DMD: variants seen among roughly 807,000 people sequenced by gnomAD.
The protein encoded by DMD is dystrophin.
Under a neutral mutation model 330.1 loss-of-function variants are expected in DMD, and 63 were observed. The observed-to-expected ratio is 0.19, with a 90% CI of 0.16 to 0.24. DMD has a LOEUF of 0.24. DMD is among the 10% of genes least tolerant of loss of function. The pLI is 1.00. For missense variants in DMD, 3,344 were observed against 2,684.1 expected (o/e 1.25, Z -5.43); for synonymous variants, 1,223 against 959.8 (o/e 1.27, Z -5.07).
rs555719402 is a variant in DMD, at chrX:32,276,329, T to C, written c.6290+11200A>G. On this transcript the variant is annotated intron_variant, in intron 43 of 78. Transcript: ENST00000357033. ...CACGAACTGCAATTCCTAGATAACT[T>C]CTAGTCATAGCCTGGGCTAAGAGCT... is the stretch of plus-strand genomic sequence containing the variant. Among the ~76,000 whole-genome samples the C allele has an allele frequency of 2.7e-5, 3 of 112,317 alleles. No homozygotes were observed. The South Asian group carries it at 1.1e-3, about 41-fold the overall frequency.
intron 9 of DMD, among the ~76,000 whole-genome samples, chrX:32,658,439 A>G (rs1408307882): frequency 9.0e-6 from 1 of 111,349 alleles, no homozygotes; most frequent in South Asian, 3.8e-4. Flanking sequence ...TGTCACTGCA[A>G]ATTGTAGCCC....
chrX:32,071,891 T>TA (rs1156616124), intron 44 of DMD, among the ~76,000 whole-genome samples: 1 of 111,722 alleles, frequency 9.0e-6, no homozygotes, highest in African/African-American at 3.2e-5. Context: ...TCTTCAATGA[T>TA]ATGTATGAAG....
chrX:33,162,757 G>T (rs1269091536), intron 1 of DMD, among the ~76,000 whole-genome samples: 1 of 102,605 alleles, frequency 9.7e-6, no homozygotes, highest in African/African-American at 3.5e-5. Context: ...TTTTTATGCT[G>T]TTTTTTTTTT....
intron 43 of DMD, among the ~76,000 whole-genome samples, chrX:32,286,311 C>T (rs902680523): frequency 1.8e-5 from 2 of 111,854 alleles, no homozygotes; most frequent in Middle Eastern, 4.6e-3. Flanking sequence ...TATTAAATTA[C>T]ATTAAATGAT....
intron 9 of DMD, among the ~76,000 whole-genome samples, chrX:32,648,422 A>G (rs936178685): frequency 5.4e-5 from 6 of 112,063 alleles, no homozygotes; most frequent in Non-Finnish European, 7.5e-5. Flanking sequence ...GGTTCATAAA[A>G]TCATGTTAGT....
chrX:31,538,019 A>C (rs2147589480), intron 55 of DMD, among the ~76,000 whole-genome samples: 1 of 112,280 alleles, frequency 8.9e-6, no homozygotes, highest in African/African-American at 3.2e-5. Flanking sequence ...CACAGTGATT[A>C]ATGCACGTAG....
chrX:31,210,273 T>A (rs752062061), intron 64 of DMD, among the ~76,000 whole-genome samples: 29 of 111,951 alleles, frequency 2.6e-4, no homozygotes, highest in East Asian at 5.6e-4. Flanking sequence ...AAATTTTCTA[T>A]AGGCAAACTA....
Position 32,268,763 on chromosome X carries a change from G to A in DMD, c.6290+18766C>T, listed in dbSNP as rs926554851. ...AGGTAAGGAAAAGCACTTAACTGGA[G>A]CAGAAAATTCACTCATTCTTTTGAA... On this transcript the variant is annotated intron_variant, in intron 43 of 78. Transcript: ENST00000357033. 4.5e-5 allele frequency among the ~76,000 whole-genome samples: 5 copies of A among 111,775 alleles called. No homozygotes were observed. The East Asian group carries it at 1.1e-3, about 25-fold the overall frequency.
intron 18 of DMD, among the ~76,000 whole-genome samples, chrX:32,514,069 T>A (rs1175911530): frequency 9.1e-6 from 1 of 109,892 alleles, no homozygotes; most frequent in African/African-American, 3.3e-5. Flanking sequence ...ACACAACCGG[T>A]TTAAAAGCTA....
chrX:31,238,077 A>G (rs951497806), intron 63 of DMD, among the ~76,000 whole-genome samples: 8 of 111,831 alleles, frequency 7.2e-5, no homozygotes, highest in African/African-American at 2.6e-4. Context: ...GTTGCTTGAT[A>G]TAAAGCTTTA....
intron 7 of DMD, among the ~76,000 whole-genome samples, chrX:32,762,914 A>G (rs1265716611): frequency 8.9e-6 from 1 of 112,149 alleles, no homozygotes; most frequent in Non-Finnish European, 1.9e-5. Context: ...TTACTGCAAT[A>G]TTAGGAGGCT....
intron 43 of DMD, among the ~76,000 whole-genome samples, chrX:32,281,694 GACTT>G (rs1040162284): frequency 1.8e-5 from 2 of 111,448 alleles, no homozygotes; most frequent in Non-Finnish European, 3.8e-5. Flanking sequence ...TCTTATTTCT[GACTT>G]ACTTTATACA....
At chrX:31,227,140 C>T (rs1159144579) in intron 63 of DMD, among the ~76,000 whole-genome samples, 2 of 111,094 alleles carry the variant, frequency 1.8e-5, no homozygotes, top group African/African-American at 6.5e-5. Flanking sequence ...TCTCTTATGA[C>T]CCCAATTCTA....
intron 43 of DMD, among the ~76,000 whole-genome samples, chrX:32,256,856 C>A (rs1432122421): frequency 6.3e-5 from 7 of 111,743 alleles, no homozygotes; most frequent in Non-Finnish European, 5.6e-5. Context: ...TCTCTTCTAG[C>A]TTGTAGGGTT....
rs150655467 is a variant in DMD at position 31,833,238 on chromosome X, A to G, written c.7200+3480T>C. Among the ~76,000 whole-genome samples the G allele has an allele frequency of 4.8e-3, 508 of 106,156 alleles. 3 individuals are homozygous for G. The highest frequency in any genetic ancestry group is 0.015 in the African/African-American group (447 of 29,147). 92.2% of individuals were successfully genotyped at this position (106,156 alleles called of 115,157 possible). ...TAAGATGAAGAAATAACATACAAAT[A>G]AATAAAAGTATGTGTGTAGATGGGG... is the stretch of plus-strand genomic sequence containing the variant. On this transcript the variant is annotated intron_variant, in intron 49 of 78. Coordinates refer to ENST00000357033, the MANE Select transcript of DMD (RefSeq NM_004006.3).
At chrX:33,041,338 C>G (rs1603013376) in intron 1 of DMD, 1 of 1,137,711 alleles carries the variant, frequency 8.8e-7, no homozygotes, top group East Asian at 3.2e-5. Context: ...CTCTGCGCGT[C>G]GCCCTCCACG....
At position 33,319,124 on chromosome X, in the gene DMD, G is replaced by C. The variant is rs184036626; in HGVS notation, c.7+20135C>G. Among the ~76,000 whole-genome samples the C allele has an allele frequency of 5.4e-5, 6 of 110,516 alleles. No individual in the cohort carries two copies. The East Asian group carries it at 1.7e-3, about 32-fold the overall frequency. ...CCATCTAGTAGCTAGGAAACGGTCT[G>C]TCATCAGGCACAGAGTGTGCCTTCA... On this transcript the variant is annotated intron_variant, in intron 1 of 17. Coordinates refer to the DMD transcript ENST00000288447.
At chrX:32,336,861 T>C (rs2097718103) in intron 41 of DMD, among the ~76,000 whole-genome samples, 1 of 111,787 alleles carries the variant, frequency 8.9e-6, no homozygotes, top group Admixed American at 9.6e-5. Flanking sequence ...AAGAAACCTT[T>C]AGGCCTCTAT....
chrX:32,651,703 T>C (rs1383352886), intron 9 of DMD, among the ~76,000 whole-genome samples: 1 of 111,747 alleles, frequency 8.9e-6, no homozygotes, highest in Non-Finnish European at 1.9e-5. Context: ...TTATCCATGA[T>C]GTCCTTATTT....
Sources: gnomAD v4.1 joint callset for allele counts (sites outside exome capture counted in the v4.1 genomes callset) on GRCh38, gnomAD v4.1.1 for gene constraint, MANE v1.5 for transcripts, NCBI Gene and HGNC (gene_info 2026-07-23, HGNC 2026-07-21) for gene names.